The following KBTBD8 variants were observed in gnomAD, a reference collection of about 807,000 sequenced individuals.
KBTBD8 encodes the protein kelch repeat and BTB domain containing 8, also known as kelch repeat and BTB domain-containing protein 8.
In KBTBD8, 31 loss-of-function variants were observed where a neutral mutation model predicts 53.5. The ratio of observed to expected loss-of-function variants is 0.58; its 90% CI spans 0.44 to 0.78. The LOEUF (loss-of-function observed/expected upper bound fraction) is 0.78, where lower values mean the gene tolerates loss of function less well. Among genes scored for constraint, KBTBD8 ranks in the 30% least tolerant of loss-of-function variants. The pLI is 0.00. For missense variants in KBTBD8, 642 were observed against 735.8 expected (o/e 0.87, Z 1.48); for synonymous variants, 250 against 247.3 (o/e 1.01, Z -0.10).
chr3:66,998,325 T>C lies in KBTBD8; in HGVS notation c.-31T>C. ...GAGAAGCGAAATGACATTTCCTTTT[T>C]AAATAGCTGGAGTCGGGGCCCCATC... On this transcript the variant is annotated 5_prime_UTR_variant, in exon 1 of 4. It removes the in-frame stop codon of an upstream open reading frame in the 5' UTR. Coordinates refer to ENST00000417314, the MANE Select transcript of KBTBD8 (RefSeq NM_032505.3). The C allele has an allele frequency of 1.5e-6, 2 of 1,296,184 alleles. No individual in the cohort carries two copies. The highest frequency in any genetic ancestry group is 2.6e-5 in the South Asian group (1 of 37,918). The allele number at this position is 1,296,184 out of a possible 1,614,324, so 80.3% of individuals were successfully genotyped here.
intron 3 of KBTBD8, among the ~76,000 whole-genome samples, chr3:67,007,598 C>T (rs770857392): frequency 2.6e-5 from 4 of 152,038 alleles, no homozygotes; most frequent in East Asian, 1.9e-4. Context: ...GGATTACAGG[C>T]GTGAGCCACT....
Position 67,011,032 on chromosome 3 carries a change from C to T in KBTBD8, c.*2647C>T, listed in dbSNP as rs2106765939. On this transcript the variant is annotated 3_prime_UTR_variant, in exon 4 of 4. Transcript: ENST00000417314. ...ATGTGATCATGAAGGAATCAGATTCCCTATGTAAAGCAGTTTAAAATGGAA... is the reference window on the plus strand; with the variant it reads ...ATGTGATCATGAAGGAATCAGATTCTCTATGTAAAGCAGTTTAAAATGGAA... 6.6e-6 allele frequency: 1 copy of T among 152,594 alleles called. No homozygotes were observed. The highest frequency in any genetic ancestry group is 2.4e-5 in the African/African-American group (1 of 41,516). 9.5% of individuals were successfully genotyped at this position (152,594 alleles called of 1,614,324 possible). A position where few individuals can be genotyped will look rare whatever the true frequency, so the allele number is the denominator to read the frequency against.
rs1702101727 is a variant in KBTBD8 at position 67,009,808 on chromosome 3, C to T, written c.*1423C>T. 6.6e-6 allele frequency: 1 copy of T among 152,572 alleles called. No individual in the cohort carries two copies. Among genetic ancestry groups the T allele is most frequent in the Non-Finnish European group, 1.5e-5 (1 of 67,994 alleles). The allele number at this position is 152,572 out of a possible 1,614,324, so 9.5% of individuals were successfully genotyped here. A position where few individuals can be genotyped will look rare whatever the true frequency, so the allele number is the denominator to read the frequency against. On this transcript the variant is annotated 3_prime_UTR_variant, in exon 4 of 4. Transcript: ENST00000417314. Reference sequence around the variant, plus strand: ...TAGAGTAATTCGTAAAGGGTATAAGCATAGGACAGATTTTGCCCTCAATCA... The same window carrying T: ...TAGAGTAATTCGTAAAGGGTATAAGTATAGGACAGATTTTGCCCTCAATCA...
At chr3:67,000,045 C>G (rs1269920200) in intron 2 of KBTBD8, among the ~76,000 whole-genome samples, 1 of 152,188 alleles carries the variant, frequency 6.6e-6, no homozygotes, top group Non-Finnish European at 1.5e-5. Flanking sequence ...TCAGTATTCA[C>G]AAGTGGTGCA....
intron 3 of KBTBD8, among the ~76,000 whole-genome samples, chr3:67,006,227 A>G (rs998008112): frequency 6.6e-6 from 1 of 152,164 alleles, no homozygotes; most frequent in Non-Finnish European, 1.5e-5. Context: ...CCTAACTGTT[A>G]GTTGGTAGAG....
At chr3:67,004,698 ATGT>A (rs1239836340) in intron 3 of KBTBD8, among the ~76,000 whole-genome samples, 3 of 152,230 alleles carry the variant, frequency 2.0e-5, no homozygotes, top group Non-Finnish European at 4.4e-5. Context: ...TAAAATTGAG[ATGT>A]TGTAGCAACT....
intron 3 of KBTBD8, among the ~76,000 whole-genome samples, chr3:67,007,192 A>G (rs927990845): frequency 6.6e-6 from 1 of 152,178 alleles, no homozygotes; most frequent in Non-Finnish European, 1.5e-5. Context: ...CATATTTATG[A>G]TGATGTTACA....
In KBTBD8 at chr3:67,008,970, G is replaced by A. The variant is rs1008712206; in HGVS notation, c.*585G>A. On this transcript the variant is annotated 3_prime_UTR_variant, in exon 4 of 4. Coordinates refer to ENST00000417314, the MANE Select transcript of KBTBD8 (RefSeq NM_032505.3). ...CTCAGAAAGAGCTTTTAGTCTGATT[G>A]TTTCCATTTCCCATGTAATTTTAAG... is the stretch of plus-strand genomic sequence containing the variant. The A allele has an allele frequency of 1.3e-5, 2 of 152,578 alleles. No homozygotes were observed. Among genetic ancestry groups the A allele is most frequent in the African/African-American group, 4.8e-5 (2 of 41,438 alleles). 9.5% of individuals were successfully genotyped at this position (152,578 alleles called of 1,614,324 possible). A position where few individuals can be genotyped will look rare whatever the true frequency, so the allele number is the denominator to read the frequency against.
rs1702089133 is a variant in KBTBD8 at position 67,008,417 on chromosome 3, TCTCATTCTTAGG to T, written c.*33_*44del. 1.0e-5 allele frequency: 15 copies of T among 1,429,430 alleles called. No individual in the cohort carries two copies. The highest frequency in any genetic ancestry group is 1.4e-5 in the African/African-American group (1 of 70,320). The allele number at this position is 1,429,430 out of a possible 1,614,324, so 88.5% of individuals were successfully genotyped here. ...AGCAGGCCTTAGTGCATCACTGGCATCTCATTCTTAGGAAACTTGTCTTTGATACAAAAGAGT... is the reference window on the plus strand; with the variant it reads ...AGCAGGCCTTAGTGCATCACTGGCATAAACTTGTCTTTGATACAAAAGAGT... On this transcript the variant is annotated 3_prime_UTR_variant, in exon 4 of 4. Coordinates refer to ENST00000417314, the MANE Select transcript of KBTBD8 (RefSeq NM_032505.3).
chr3:67,002,498 C>T (rs145043701), intron 2 of KBTBD8, among the ~76,000 whole-genome samples: 31 of 145,030 alleles, frequency 2.1e-4, no homozygotes, highest in African/African-American at 7.6e-4. Context: ...CATGTTGATA[C>T]CTTTATAGGT....
At chr3:66,998,913 CAG>C (rs1305228435) in intron 1 of KBTBD8, 66 bp from the exon 2 acceptor site, 3 of 1,254,314 alleles carry the variant, frequency 2.4e-6, no homozygotes, top group East Asian at 2.5e-5. Flanking sequence ...GACACACAAA[CAG>C]AAAAATCCCG....
intron 1 of KBTBD8, 59 bp from the exon 2 acceptor site, chr3:66,998,922 C>T (rs1701989581): frequency 6.7e-6 from 9 of 1,345,816 alleles, no homozygotes; most frequent in Non-Finnish European, 8.3e-6. Context: ...ACAGAAAAAT[C>T]CCGCGATGCC....
At chr3:66,999,241 C>A in intron 2 of KBTBD8, 50 bp downstream of exon 2, 2 of 1,381,454 alleles carry the variant, frequency 1.4e-6, no homozygotes, top group South Asian at 1.2e-5. Flanking sequence ...AGCTCCCTTT[C>A]CCCCTCAGTA....
At chr3:67,007,283 A>ACACAAATTG (rs1702076253) in intron 3 of KBTBD8, among the ~76,000 whole-genome samples, 1 of 151,406 alleles carries the variant, frequency 6.6e-6, no homozygotes, top group Non-Finnish European at 1.5e-5. Flanking sequence ...TTCTATAAAC[A>ACACAAATTG]CACAAATTGG....
intron 3 of KBTBD8, 25 bp from the exon 4 acceptor site, chr3:67,007,897 C>A: frequency 1.5e-6 from 2 of 1,299,418 alleles, no homozygotes; most frequent in South Asian, 1.5e-5. Flanking sequence ...TTTACATATT[C>A]TTGTTTTCTT....
rs1364332933 is a variant in KBTBD8 at position 67,004,294 on chromosome 3, A to C, written c.1327A>C (p.Ile443Leu). The C allele has an allele frequency of 1.2e-6, 2 of 1,613,222 alleles. No homozygotes were observed. Among genetic ancestry groups the C allele is most frequent in the Non-Finnish European group, 1.7e-6 (2 of 1,179,174 alleles). ...TAATGCTGTGGAGTACAAAGAGAAG[A>C]TCTATGTTTTACAGGGTAGGTGCCT... ...FHNAVEYKEKIYVLQGEFFLF... is the reference protein window; with the variant it reads ...FHNAVEYKEKLYVLQGEFFLF... Residue 443 changes from isoleucine (I) to leucine (L), a missense_variant, in exon 3 of 4, where the codon ATC (isoleucine) becomes CTC (leucine). Ile to Leu is a conservative substitution (Grantham distance 5, BLOSUM62 2). Transcript: ENST00000417314.
Position 67,008,680 on chromosome 3 carries a change from A to G in KBTBD8, c.*295A>G, listed in dbSNP as rs763722097. The G allele has an allele frequency of 5.4e-5, 18 of 332,424 alleles. No individual in the cohort carries two copies. The highest frequency in any genetic ancestry group is 9.5e-5 in the Non-Finnish European group (17 of 179,822). The allele number at this position is 332,424 out of a possible 1,614,324, so 20.6% of individuals were successfully genotyped here. On this transcript the variant is annotated 3_prime_UTR_variant, in exon 4 of 4. Coordinates refer to ENST00000417314, the MANE Select transcript of KBTBD8 (RefSeq NM_032505.3). ...TAACTGAGGTACCAGATGAATCAGG[A>G]CAACTATGCACTCTTATAAGAGCAT...
Position 67,004,322 on chromosome 3 carries a change from G to A in KBTBD8, c.1342+13G>A. On this transcript the variant is annotated intron_variant, in intron 3 of 3. Coordinates refer to ENST00000417314, the MANE Select transcript of KBTBD8 (RefSeq NM_032505.3). ...TATGTTTTACAGGGTAGGTGCCTAA[G>A]TGATTTAGTTTTTCATGGAAGGGTA... 1 of 1,603,134 alleles carries A rather than the reference G, an allele frequency of 6.2e-7. No homozygotes were observed. The highest frequency in any genetic ancestry group is 8.5e-7 in the Non-Finnish European group (1 of 1,171,726).
At chr3:67,001,154 A>T (rs1478628416) in intron 2 of KBTBD8, among the ~76,000 whole-genome samples, 1 of 152,200 alleles carries the variant, frequency 6.6e-6, no homozygotes, top group Non-Finnish European at 1.5e-5. Context: ...GTGCATTGAA[A>T]TAAAGATATT....
Sources: allele counts gnomAD v4.1 joint callset (sites outside exome capture counted in the v4.1 genomes callset), GRCh38; gene constraint gnomAD v4.1.1; transcripts MANE v1.5; gene names NCBI Gene and HGNC (gene_info 2026-07-23, HGNC 2026-07-21).